Variants in OASL observed in about 807,000 individuals in gnomAD.
OASL encodes the protein 2'-5'-oligoadenylate synthase-like protein.
OASL carries 28 observed loss-of-function variants against 35.3 expected under a neutral mutation model. That is an observed-to-expected ratio of 0.79 (90% CI 0.59 to 1.09). OASL has a LOEUF of 1.09. Among genes scored for constraint, OASL ranks in the 50% least tolerant of loss-of-function variants. OASL has a pLI of 0.00. For synonymous variants in OASL, 252 were observed against 254.6 expected, an observed-to-expected ratio of 0.99 and a Z score of 0.10; for missense variants, 620 against 635.2, an observed-to-expected ratio of 0.98 and a Z score of 0.26.
At chr12:121,023,382 G>A (rs944531454) in intron 5 of OASL, among the ~76,000 whole-genome samples, 29 of 146,360 alleles carry the variant, frequency 2.0e-4, no homozygotes, top group Non-Finnish European at 2.8e-4. Flanking sequence ...CCCAGCTCCC[G>A]GGTTCAAGCG....
exon 2 of OASL, chr12:121,033,533 C>T (rs1260912154): frequency 8.7e-6 from 14 of 1,614,112 alleles, no homozygotes; most frequent in Non-Finnish European, 1.2e-5. Context: ...ATGGTGAAGA[C>T]GAGAGCATCG....
In OASL at chr12:121,024,449, TC is replaced by T. The variant is rs544884937; in HGVS notation, c.900-313del. Among the ~76,000 whole-genome samples the T allele has an allele frequency of 3.7e-3, 561 of 152,196 alleles. 6 individuals are homozygous for T. Among genetic ancestry groups the T allele is most frequent in the African/African-American group, 0.013 (532 of 41,520 alleles). On this transcript the variant is annotated intron_variant, in intron 4 of 5. Transcript: ENST00000257570. The stretch of plus-strand genomic sequence containing the variant: ...CTGGCCAACGTGGTGAAACCCTGTC[TC>T]TACTAAAAATACAAAAAATTAGCCA...
At chr12:121,024,202 CCTT>C (rs1259084828) in intron 4 of OASL, 65 bp from the exon 5 acceptor site, 36 of 1,550,498 alleles carry the variant, frequency 2.3e-5, no homozygotes, top group Admixed American at 7.6e-5. Flanking sequence ...CAGAAAAAAA[CCTT>C]CTCGGCAATT....
chr12:121,032,956 T>G (rs1295308405), intron 2 of OASL, among the ~76,000 whole-genome samples: 1 of 152,062 alleles, frequency 6.6e-6, no homozygotes, highest in Non-Finnish European at 1.5e-5. Flanking sequence ...GACGGAGTCT[T>G]GCTCTGTTGC....
At chr12:121,035,409 G>A (rs971974461) in intron 1 of OASL, among the ~76,000 whole-genome samples, 3 of 151,848 alleles carry the variant, frequency 2.0e-5, no homozygotes, top group African/African-American at 2.4e-5. Flanking sequence ...CCTGTAATCC[G>A]AGCTACTGGG....
At chr12:121,022,977 T>C (rs1473880764) in intron 5 of OASL, among the ~76,000 whole-genome samples, 1 of 152,122 alleles carries the variant, frequency 6.6e-6, no homozygotes, top group African/African-American at 2.4e-5. Flanking sequence ...ATAATAAAGA[T>C]AGTGATAACA....
At chr12:121,023,933 T>C in intron 5 of OASL, 57 bp downstream of exon 5, 1 of 1,594,796 alleles carries the variant, frequency 6.3e-7, no homozygotes, top group South Asian at 1.1e-5. Flanking sequence ...AAATACTGAG[T>C]AGTTTATCTG....
At chr12:121,023,906 C>T (rs1869363890) in intron 5 of OASL, 84 bp downstream of exon 5, 3 of 1,516,610 alleles carry the variant, frequency 2.0e-6, no homozygotes, top group African/African-American at 2.7e-5. Context: ...TCTCCATCAA[C>T]ACAGAACTGA....
chr12:121,019,114 C>T (rs1239189075), exon 6 of OASL: 1 of 152,090 alleles, frequency 6.6e-6, no homozygotes, highest in East Asian at 1.9e-4. Flanking sequence ...TAAGACATTG[C>T]ATTTTTCATT....
At chr12:121,019,160 C>G (rs1398688662) in exon 6 of OASL, 2 of 152,138 alleles carry the variant, frequency 1.3e-5, no homozygotes, top group African/African-American at 4.8e-5. Context: ...TTCCCACCAC[C>G]TACAATGTGG....
chr12:121,023,295 C>CT lies in OASL; in HGVS notation c.1047+694dup, dbSNP rs143908019. ...TGGTGTCTTTTTTTTTTCTTTTTTT[C>CT]TTTTTTTTTTGAGGCAGAGTTTCCC... On this transcript the variant is annotated intron_variant, in intron 5 of 5. Coordinates refer to ENST00000257570, the Ensembl canonical transcript of OASL. Among the ~76,000 whole-genome samples, 539 of 135,800 alleles carry CT rather than the reference C, an allele frequency of 4.0e-3. 20 individuals are homozygous for CT. Among genetic ancestry groups the CT allele is most frequent in the African/African-American group, 0.013 (499 of 37,112 alleles). The allele number at this position is 135,800 out of a possible 152,430, so 89.1% of individuals were successfully genotyped here.
At chr12:121,023,968 C>A in intron 5 of OASL, 22 bp downstream of exon 5, 1 of 1,613,134 alleles carries the variant, frequency 6.2e-7, no homozygotes, top group Non-Finnish European at 8.5e-7. Flanking sequence ...AAGCCCTTGA[C>A]AGCCCAGAGA....
intron 1 of OASL, among the ~76,000 whole-genome samples, chr12:121,034,497 C>T (rs1412453271): frequency 6.6e-6 from 1 of 152,124 alleles, no homozygotes; most frequent in African/African-American, 2.4e-5. Context: ...CAGAGTAAGG[C>T]CTACTCCAGA....
intron 3 of OASL, among the ~76,000 whole-genome samples, chr12:121,030,295 C>G (rs1193695954): frequency 6.6e-6 from 1 of 152,206 alleles, no homozygotes. Flanking sequence ...AGCTCCGCCT[C>G]CTGGGTTCAC....
chr12:121,038,713 G>A, intron 1 of OASL, 61 bp downstream of exon 1: 5 of 1,560,460 alleles, frequency 3.2e-6, no homozygotes, highest in Non-Finnish European at 4.4e-6. Context: ...AGCATCCCCA[G>A]GGACGTGGAC....
intron 5 of OASL, chr12:121,023,676 A>G: frequency 3.7e-6 from 1 of 268,552 alleles, no homozygotes; most frequent in East Asian, 8.2e-5. Flanking sequence ...GCACTGGCAC[A>G]GAATGGCTGA....
At chr12:121,035,413 T>C (rs1869912132) in intron 1 of OASL, among the ~76,000 whole-genome samples, 1 of 151,868 alleles carries the variant, frequency 6.6e-6, no homozygotes. Flanking sequence ...TAATCCGAGC[T>C]ACTGGGGAAG....
exon 6 of OASL, chr12:121,020,544 A>G: frequency 6.3e-7 from 1 of 1,585,804 alleles, no homozygotes; most frequent in Non-Finnish European, 8.6e-7. Context: ...ATGTACAGAG[A>G]AGTCTCCCAG....
At chr12:121,030,150 C>T (rs1241031236) in intron 3 of OASL, among the ~76,000 whole-genome samples, 1 of 152,212 alleles carries the variant, frequency 6.6e-6, no homozygotes, top group African/African-American at 2.4e-5. Flanking sequence ...GCTGAAATTA[C>T]AGGCGTGAGC....
Sources: gnomAD v4.1 joint callset for allele counts (sites outside exome capture counted in the v4.1 genomes callset) on GRCh38, gnomAD v4.1.1 for gene constraint, MANE v1.5 for transcripts, NCBI Gene and HGNC (gene_info 2026-07-23, HGNC 2026-07-21) for gene names.